Variants in GAB3 observed in about 807,000 individuals in gnomAD.
GAB3 encodes the protein GRB2-associated-binding protein 3.
GAB3 carries 12 observed loss-of-function variants against 40.4 expected under a neutral mutation model. The ratio of observed to expected loss-of-function variants is 0.30; its 90% CI spans 0.19 to 0.48. The LOEUF (loss-of-function observed/expected upper bound fraction) is 0.48. Among genes scored for constraint, GAB3 ranks in the 20% least tolerant of loss-of-function variants. The pLI is 0.99. For missense variants in GAB3, 381 were observed against 461.9 expected (o/e 0.82, Z 1.61); for synonymous variants, 154 against 176.7 (o/e 0.87, Z 1.02).
intron 4 of GAB3, among the ~76,000 whole-genome samples, chrX:154,700,500 A>G (rs2070725930): frequency 9.0e-6 from 1 of 111,374 alleles, no homozygotes; most frequent in South Asian, 3.8e-4. Context: ...GGACATTTGG[A>G]GTTATCCAGG....
chrX:154,729,501 G>A (rs1162253967), intron 1 of GAB3, among the ~76,000 whole-genome samples: 1 of 111,739 alleles, frequency 8.9e-6, no homozygotes. Context: ...TGGAGTGACG[G>A]AAGATGAAGC....
chrX:154,701,833 CTA>C (rs782035509), intron 4 of GAB3, among the ~76,000 whole-genome samples: 2 of 111,422 alleles, frequency 1.8e-5, no homozygotes, highest in African/African-American at 6.5e-5. Flanking sequence ...ATAATGAAAA[CTA>C]TGAGACAATA....
intron 1 of GAB3, among the ~76,000 whole-genome samples, chrX:154,734,578 T>C (rs1017062360): frequency 5.5e-4 from 62 of 112,272 alleles, no homozygotes; most frequent in African/African-American, 2.0e-3. Context: ...AGGAAGACAC[T>C]GTGTTTTCAG....
rs782712692 is a variant in GAB3 at position 154,750,110 on chromosome X, T to TA, written c.72+843dup. Among the ~76,000 whole-genome samples the TA allele has an allele frequency of 5.3e-5, 6 of 112,626 alleles. No homozygotes were observed. The East Asian group carries it at 1.7e-3, about 31-fold the overall frequency. Reference sequence around the variant, plus strand: ...TGAATCCATCCAGCTACTCCCAGCCTAAAAAAAGCAAGAAGTCCTAATAGC... The same window carrying TA: ...TGAATCCATCCAGCTACTCCCAGCCTAAAAAAAAGCAAGAAGTCCTAATAGC... On this transcript the variant is annotated intron_variant, in intron 1 of 9. Transcript: ENST00000424127.
At position 154,680,990 on chromosome X, in the gene GAB3, C is replaced by A. The variant is rs139244510; in HGVS notation, c.1531-742G>T. 4.9e-3 allele frequency among the ~76,000 whole-genome samples: 552 copies of A among 112,058 alleles called. 4 individuals carry two copies. Among genetic ancestry groups the A allele is most frequent in the African/African-American group, 0.017 (530 of 30,858 alleles). On this transcript the variant is annotated intron_variant, in intron 8 of 9. Transcript: ENST00000424127. ...TTGCAGTGGGTCAGATATTCCATTG[C>A]ATGACTTATTTAATCATTCTGCCAT...
intron 4 of GAB3, among the ~76,000 whole-genome samples, chrX:154,711,763 C>T (rs899544837): frequency 2.7e-5 from 3 of 112,031 alleles, no homozygotes; most frequent in Admixed American, 9.4e-5. Flanking sequence ...CAAAAGACAT[C>T]AACTTTTGTA....
chrX:154,680,626 TACAA>T (rs782496661), intron 8 of GAB3, among the ~76,000 whole-genome samples: 37 of 111,870 alleles, frequency 3.3e-4, no homozygotes, highest in Non-Finnish European at 6.8e-4. Context: ...GTTTGCACAA[TACAA>T]ACAGTTATAA....
chrX:154,749,157 G>C (rs979699488), intron 1 of GAB3, among the ~76,000 whole-genome samples: 1 of 111,348 alleles, frequency 9.0e-6, no homozygotes, highest in African/African-American at 3.3e-5. Flanking sequence ...TCTAAGCTGC[G>C]CAGTGTCCAC....
At chrX:154,692,453 A>G (rs1557249668) in intron 8 of GAB3, among the ~76,000 whole-genome samples, 1 of 112,416 alleles carries the variant, frequency 8.9e-6, no homozygotes. Flanking sequence ...GAAAACCACA[A>G]TGAGATACCA....
rs2070352839 is a variant in GAB3, at chrX:154,680,068, A to C, written c.1647+64T>G. ...CTAAGGAGAATATGCATGGTTTGAT[A>C]ATCAGAAAAGTCTAGGCAGAGATGG... On this transcript the variant is annotated intron_variant, in intron 9 of 9. Transcript: ENST00000424127. 4.0e-6 allele frequency: 3 copies of C among 741,778 alleles called. No homozygotes were observed. In the Admixed American group the frequency reaches 7.4e-5, roughly 18 times the overall value. 61.1% of individuals were successfully genotyped at this position (741,778 alleles called of 1,213,427 possible). A position where few individuals can be genotyped will look rare whatever the true frequency, so the allele number is the denominator to read the frequency against.
At chrX:154,713,471 C>T in intron 2 of GAB3, 45 bp from the exon 3 acceptor site, 9 of 1,073,725 alleles carry the variant, frequency 8.4e-6, no homozygotes, top group Non-Finnish European at 1.2e-5. Context: ...ATGGCTATAA[C>T]ACGCACTCAA....
In GAB3 at chrX:154,678,100, C is replaced by CAAAAA; in HGVS notation, c.*73_*77dup. 4.9e-6 allele frequency: 2 copies of CAAAAA among 404,630 alleles called. No individual in the cohort carries two copies. Among genetic ancestry groups the CAAAAA allele is most frequent in the Admixed American group, 4.9e-5 (1 of 20,542 alleles). 33.3% of individuals were successfully genotyped at this position (404,630 alleles called of 1,213,427 possible). The stretch of plus-strand genomic sequence containing the variant: ...TGACCATCAGTGTGTTTTTAGTGGA[C>CAAAAA]AAAAAAAAAAAAAAAAGAAAAAACT... On this transcript the variant is annotated 3_prime_UTR_variant, in exon 10 of 10. Transcript: ENST00000424127.
intron 1 of GAB3, among the ~76,000 whole-genome samples, chrX:154,742,707 C>G (rs933960848): frequency 2.7e-5 from 3 of 110,713 alleles, no homozygotes; most frequent in African/African-American, 9.8e-5. Context: ...GGGGTCAATG[C>G]TAAGGGAAAG....
chrX:154,733,676 T>C (rs1557260195), intron 1 of GAB3, among the ~76,000 whole-genome samples: 1 of 112,472 alleles, frequency 8.9e-6, no homozygotes, highest in Non-Finnish European at 1.9e-5. Flanking sequence ...CAGATTGAGA[T>C]TCAATAACAT....
intron 8 of GAB3, among the ~76,000 whole-genome samples, chrX:154,695,447 C>A (rs1316141811): frequency 8.9e-6 from 1 of 111,868 alleles, no homozygotes; most frequent in Non-Finnish European, 1.9e-5. Context: ...GGGCACTGTA[C>A]CTTTCCCAAT....
chrX:154,740,368 T>C lies in GAB3; in HGVS notation c.72+10586A>G, dbSNP rs782057565. Among the ~76,000 whole-genome samples the C allele has an allele frequency of 1.3e-3, 143 of 112,212 alleles. 1 individual carries two copies. Among genetic ancestry groups the C allele is most frequent in the Non-Finnish European group, 2.4e-3 (126 of 53,222 alleles). ...CATTTGTGCAAAAAATGGGGAAGTA[T>C]ATGTGCTTGTATATGCATGGAATAT... On this transcript the variant is annotated intron_variant, in intron 1 of 9. Coordinates refer to ENST00000424127, the MANE Select transcript of GAB3 (RefSeq NM_001081573.3).
chrX:154,750,444 T>C (rs782480544), intron 1 of GAB3, among the ~76,000 whole-genome samples: 21 of 112,334 alleles, frequency 1.9e-4, no homozygotes, highest in Admixed American at 1.6e-3. Flanking sequence ...CGAGTTACAC[T>C]GTGTAGGGTT....
At chrX:154,729,753 G>A (rs17051988) in intron 1 of GAB3, among the ~76,000 whole-genome samples, 4,247 of 111,588 alleles carry the variant, frequency 0.038, 214 homozygotes, top group African/African-American at 0.13. Context: ...TCCTAATCTC[G>A]TGCAGTGGTC....
intron 8 of GAB3, among the ~76,000 whole-genome samples, chrX:154,690,724 T>C (rs1282015442): frequency 9.9e-5 from 11 of 111,199 alleles, no homozygotes; most frequent in Admixed American, 9.5e-4. Flanking sequence ...TGAGATACCA[T>C]CTCACACCAG....
Sources: allele counts gnomAD v4.1 joint callset (sites outside exome capture counted in the v4.1 genomes callset), GRCh38; gene constraint gnomAD v4.1.1; transcripts MANE v1.5; gene names NCBI Gene and HGNC (gene_info 2026-07-23, HGNC 2026-07-21).